Variants in LRRC69 observed in about 807,000 individuals in gnomAD.
The protein encoded by LRRC69 is leucine rich repeat containing 69, also known as leucine-rich repeat-containing protein 69.
Under a neutral mutation model 37.8 loss-of-function variants are expected in LRRC69, and 42 were observed. That is an observed-to-expected ratio of 1.11 (90% CI 0.87 to 1.44). The LOEUF (loss-of-function observed/expected upper bound fraction) is 1.44, where lower values mean the gene tolerates loss of function less well. Among genes scored for constraint, LRRC69 ranks in the 40% most tolerant of loss-of-function variants. LRRC69 has a pLI of 0.00. For synonymous variants in LRRC69, 141 were observed against 143.1 expected (o/e 0.99, Z 0.11); for missense variants, 357 against 401.9 (o/e 0.89, Z 0.96).
chr8:91,199,972 C>T (rs1809685192), intron 6 of LRRC69, among the ~76,000 whole-genome samples: 1 of 152,182 alleles, frequency 6.6e-6, no homozygotes, highest in East Asian at 1.9e-4. Flanking sequence ...ATAGGTTTAA[C>T]TGAGATTAAA....
At chr8:91,208,865 C>T (rs1809853965) in intron 7 of LRRC69, among the ~76,000 whole-genome samples, 1 of 152,180 alleles carries the variant, frequency 6.6e-6, no homozygotes, top group African/African-American at 2.4e-5. Context: ...CATGCTTCTT[C>T]TTCCATGTAC....
chr8:91,142,587 C>T (rs1364093419), intron 5 of LRRC69, among the ~76,000 whole-genome samples: 1 of 151,954 alleles, frequency 6.6e-6, no homozygotes, highest in African/African-American at 2.4e-5. Flanking sequence ...TTCTTAAAAC[C>T]CAGAAGGCTA....
intron 1 of LRRC69, 94 bp downstream of exon 1, chr8:91,102,938 G>A (rs114576979): frequency 1.4e-5 from 16 of 1,164,688 alleles, no homozygotes; most frequent in Middle Eastern, 4.0e-4. Context: ...ATAACACTTC[G>A]ATCTATGGAG....
chr8:91,187,295 G>A (rs985530191), intron 5 of LRRC69, among the ~76,000 whole-genome samples: 3 of 152,134 alleles, frequency 2.0e-5, no homozygotes, highest in Non-Finnish European at 2.9e-5. Context: ...CACTCAATGA[G>A]TCATTAAGTC....
chr8:91,193,163 T>C (rs1213169829), intron 6 of LRRC69, among the ~76,000 whole-genome samples: 2 of 128,748 alleles, frequency 1.6e-5, no homozygotes, highest in Non-Finnish European at 1.7e-5. Context: ...GTTGTAGATA[T>C]GCGGCGTTAT....
intron 2 of LRRC69, 59 bp downstream of exon 2, chr8:91,124,678 A>C (rs557673558): frequency 7.3e-7 from 1 of 1,371,522 alleles, no homozygotes; most frequent in South Asian, 1.5e-5. Context: ...CATATTTAAT[A>C]ATATGAGACT....
chr8:91,142,649 G>T (rs1808550374), intron 5 of LRRC69, among the ~76,000 whole-genome samples: 1 of 151,972 alleles, frequency 6.6e-6, no homozygotes, highest in Admixed American at 6.6e-5. Context: ...CCACAGGTTT[G>T]CATTTCTGTT....
At chr8:91,149,565 T>G (rs1808690735) in intron 5 of LRRC69, among the ~76,000 whole-genome samples, 2 of 151,910 alleles carry the variant, frequency 1.3e-5, no homozygotes, top group Non-Finnish European at 2.9e-5. Context: ...CTTGGCACTG[T>G]GGGCTCTTTT....
chr8:91,119,234 T>A (rs1813572390), intron 1 of LRRC69, among the ~76,000 whole-genome samples: 2 of 152,090 alleles, frequency 1.3e-5, no homozygotes, highest in South Asian at 4.1e-4. Context: ...TGCTACAGTG[T>A]TTCTGGACCT....
chr8:91,191,907 C>A (rs1809502614), intron 6 of LRRC69, among the ~76,000 whole-genome samples: 1 of 151,958 alleles, frequency 6.6e-6, no homozygotes, highest in South Asian at 2.1e-4. Context: ...AGGTTAGTTA[C>A]ATATGCACAC....
intron 5 of LRRC69, among the ~76,000 whole-genome samples, chr8:91,183,359 G>A (rs756698319): frequency 3.0e-4 from 45 of 152,150 alleles, no homozygotes; most frequent in Non-Finnish European, 5.9e-5. Context: ...CTAAGGTAGT[G>A]GCAGGAAAGG....
intron 5 of LRRC69, among the ~76,000 whole-genome samples, chr8:91,175,686 C>G (rs1284703472): frequency 6.6e-6 from 1 of 151,862 alleles, no homozygotes; most frequent in Non-Finnish European, 1.5e-5. Flanking sequence ...GGTGGTTGCA[C>G]TTCGAAAGGG....
At chr8:91,108,022 G>A (rs1813349090) in intron 1 of LRRC69, among the ~76,000 whole-genome samples, 3 of 151,990 alleles carry the variant, frequency 2.0e-5, no homozygotes, top group African/African-American at 7.2e-5. Context: ...AAAACAAATA[G>A]CCATCATCTC....
chr8:91,131,023 A>T (rs1010981373), intron 3 of LRRC69, among the ~76,000 whole-genome samples: 1 of 152,052 alleles, frequency 6.6e-6, no homozygotes. Flanking sequence ...ATTGGAGATT[A>T]GATTTTAACA....
intron 3 of LRRC69, among the ~76,000 whole-genome samples, chr8:91,132,160 A>G (rs1325976980): frequency 6.6e-6 from 1 of 151,836 alleles, no homozygotes; most frequent in African/African-American, 2.4e-5. Flanking sequence ...ACACACTTCA[A>G]CCTTGAGATC....
chr8:91,125,946 T>TA (rs1488435363), intron 2 of LRRC69, among the ~76,000 whole-genome samples: 1 of 151,914 alleles, frequency 6.6e-6, no homozygotes, highest in Non-Finnish European at 1.5e-5. Context: ...TTGATACCTA[T>TA]AATATATAGT....
chr8:91,143,187 C>G (rs1808560819), intron 5 of LRRC69, among the ~76,000 whole-genome samples: 1 of 152,000 alleles, frequency 6.6e-6, no homozygotes, highest in African/African-American at 2.4e-5. Context: ...GAATTTAACA[C>G]TAAATTTTAT....
At chr8:91,177,948 A>G (rs961010813) in intron 5 of LRRC69, among the ~76,000 whole-genome samples, 3 of 148,458 alleles carry the variant, frequency 2.0e-5, no homozygotes, top group African/African-American at 7.5e-5. Context: ...TCCCGGGTTC[A>G]TGCCATTCCC....
chr8:91,104,458 A>G (rs2130469090), intron 1 of LRRC69, among the ~76,000 whole-genome samples: 1 of 152,034 alleles, frequency 6.6e-6, no homozygotes, highest in South Asian at 2.1e-4. Flanking sequence ...CTATGATTAT[A>G]TTTTCTTTCT....
Sources: gnomAD v4.1 joint callset for allele counts (sites outside exome capture counted in the v4.1 genomes callset) on GRCh38, gnomAD v4.1.1 for gene constraint, MANE v1.5 for transcripts, NCBI Gene and HGNC (gene_info 2026-07-23, HGNC 2026-07-21) for gene names.